The following MSN variants were observed in gnomAD, a reference collection of about 807,000 sequenced individuals.
MSN encodes epididymis luminal protein 70.
MSN carries 2 observed loss-of-function variants against 48.0 expected under a neutral mutation model. The observed-to-expected ratio is 0.04, with a 90% CI of 0.02 to 0.13. The LOEUF is 0.13. Ranked by LOEUF, MSN falls within the 10% of genes least tolerant of loss-of-function variation. MSN has a pLI of 1.00. For missense variants in MSN, 267 were observed against 470.1 expected (o/e 0.57, Z 3.99); for synonymous variants, 146 against 166.9 (o/e 0.87, Z 0.97).
At chrX:65,670,286 A>G (rs1344870194) in intron 1 of MSN, among the ~76,000 whole-genome samples, 1 of 112,100 alleles carries the variant, frequency 8.9e-6, no homozygotes, top group East Asian at 2.8e-4. Context: ...GCTTTAGGCT[A>G]TTTCTAGCGT....
rs1206298706 is a variant in MSN at position 65,713,201 on chromosome X, C to T, written c.13-3617C>T. Among the ~76,000 whole-genome samples the T allele has an allele frequency of 2.7e-5, 3 of 111,308 alleles. No individual in the cohort carries two copies. The Admixed American group carries it at 2.9e-4, about 11-fold the overall frequency. On this transcript the variant is annotated intron_variant, in intron 1 of 12. Coordinates refer to ENST00000360270, the MANE Select transcript of MSN (RefSeq NM_002444.3). Reference sequence around the variant, plus strand: ...ATTTCAGCTATCATTGACCTAGCTTCGAGGATCTATTTGTAAAGGTGGTAT... The same window carrying T: ...ATTTCAGCTATCATTGACCTAGCTTTGAGGATCTATTTGTAAAGGTGGTAT...
chrX:65,735,228 G>A (rs2071662912), intron 7 of MSN, 39 bp from the exon 8 acceptor site: 1 of 1,195,809 alleles, frequency 8.4e-7, no homozygotes. Flanking sequence ...ACCTTCACCT[G>A]TCCCTCCAAA....
chrX:65,732,108 AGCCCAGAT>A, intron 6 of MSN, 124 bp downstream of exon 6: 1 of 733,759 alleles, frequency 1.4e-6, no homozygotes, highest in African/African-American at 2.1e-5. Context: ...AATTTAGTCC[AGCCCAGAT>A]GATTTCACAA....
chrX:65,676,340 G>A lies in MSN; in HGVS notation c.12+8487G>A, dbSNP rs748991009. On this transcript the variant is annotated intron_variant, in intron 1 of 12. Coordinates refer to ENST00000360270, the MANE Select transcript of MSN (RefSeq NM_002444.3). ...CGGCTTGTTGTGGCATAAGGTAAGTGTTGACATAGCTCTTAGGCCACTAAT... is the reference window on the plus strand; with the variant it reads ...CGGCTTGTTGTGGCATAAGGTAAGTATTGACATAGCTCTTAGGCCACTAAT... 2.7e-5 allele frequency among the ~76,000 whole-genome samples: 3 copies of A among 112,283 alleles called. No homozygotes were observed. In the East Asian group the frequency reaches 8.4e-4, roughly 31 times the overall value.
intron 7 of MSN, among the ~76,000 whole-genome samples, chrX:65,734,633 T>G (rs1453126113): frequency 8.9e-6 from 1 of 112,142 alleles, no homozygotes; most frequent in African/African-American, 3.2e-5. Context: ...TTTCTTTTAT[T>G]GCTGCTGTGC....
intron 1 of MSN, among the ~76,000 whole-genome samples, chrX:65,715,301 A>G (rs1196829967): frequency 8.9e-6 from 1 of 111,759 alleles, no homozygotes; most frequent in Non-Finnish European, 1.9e-5. Flanking sequence ...ATGGTTATTC[A>G]GGCTGTTTTT....
In MSN at chrX:65,741,429, A is replaced by G. The variant is rs1182073242; in HGVS notation, c.*1536A>G. The G allele has an allele frequency of 6.0e-6, 1 of 167,798 alleles. No homozygotes were observed. 13.8% of individuals were successfully genotyped at this position (167,798 alleles called of 1,213,427 possible). On this transcript the variant is annotated 3_prime_UTR_variant, in exon 13 of 13. Transcript: ENST00000360270. Reference sequence around the variant, plus strand: ...CTGGAAAGCATATACTATATTACAAAATGACATTTTGCCAAAATTATTAAT... The same window carrying G: ...CTGGAAAGCATATACTATATTACAAGATGACATTTTGCCAAAATTATTAAT...
At chrX:65,700,251 T>G (rs889009346) in intron 1 of MSN, among the ~76,000 whole-genome samples, 11 of 112,108 alleles carry the variant, frequency 9.8e-5, no homozygotes, top group Non-Finnish European at 2.1e-4. Flanking sequence ...ATTACTCCCA[T>G]TTTACCTGTA....
In MSN at chrX:65,741,413, A is replaced by G. The variant is rs2071735482; in HGVS notation, c.*1520A>G. Reference sequence around the variant, plus strand: ...TTTACCACCCCCACACCTGGAAAGCATATACTATATTACAAAATGACATTT... The same window carrying G: ...TTTACCACCCCCACACCTGGAAAGCGTATACTATATTACAAAATGACATTT... On this transcript the variant is annotated 3_prime_UTR_variant, in exon 13 of 13. Coordinates refer to ENST00000360270, the MANE Select transcript of MSN (RefSeq NM_002444.3). The G allele has an allele frequency of 1.2e-5, 2 of 168,288 alleles. No individual in the cohort carries two copies. The highest frequency in any genetic ancestry group is 2.3e-5 in the Non-Finnish European group (2 of 87,535). The allele number at this position is 168,288 out of a possible 1,213,427, so 13.9% of individuals were successfully genotyped here.
At chrX:65,725,248 A>C (rs971918745) in intron 2 of MSN, among the ~76,000 whole-genome samples, 2 of 112,051 alleles carry the variant, frequency 1.8e-5, no homozygotes, top group African/African-American at 6.5e-5. Flanking sequence ...CCACACCGGC[A>C]ATGAAGCATC....
At chrX:65,618,846 C>G (rs1471961046) in intron 1 of MSN, among the ~76,000 whole-genome samples, 1 of 111,152 alleles carries the variant, frequency 9.0e-6, no homozygotes, top group Admixed American at 9.6e-5. Flanking sequence ...TGGCTGGTAC[C>G]GGTTGTTCCT....
chrX:65,609,122 G>A (rs950057764), intron 1 of MSN, among the ~76,000 whole-genome samples: 2 of 102,906 alleles, frequency 1.9e-5, no homozygotes, highest in Non-Finnish European at 4.0e-5. Context: ...GAGCCCTGGA[G>A]CTATATATAC....
intron 1 of MSN, among the ~76,000 whole-genome samples, chrX:65,668,562 A>T (rs1467924367): frequency 2.7e-5 from 3 of 110,366 alleles, no homozygotes; most frequent in Admixed American, 9.6e-5. Flanking sequence ...ATCTCCTCCT[A>T]TCCCCTCCGG....
intron 1 of MSN, among the ~76,000 whole-genome samples, chrX:65,617,993 C>A (rs1239392793): frequency 1.8e-5 from 2 of 108,648 alleles, no homozygotes; most frequent in Non-Finnish European, 3.8e-5. Context: ...GCAGGTTGTT[C>A]AGTTTCCATG....
At chrX:65,594,661 C>A (rs776830674) in intron 1 of MSN, among the ~76,000 whole-genome samples, 1 of 111,572 alleles carries the variant, frequency 9.0e-6, no homozygotes, top group South Asian at 3.8e-4. Context: ...GGTGGGGAAA[C>A]TGAGATCCAG....
At chrX:65,692,932 G>T (rs137865580) in intron 1 of MSN, among the ~76,000 whole-genome samples, 1 of 111,619 alleles carries the variant, frequency 9.0e-6, no homozygotes, top group Non-Finnish European at 1.9e-5. Context: ...CTCCCACCTC[G>T]GCCAGCGTTG....
At chrX:65,616,241 A>G (rs1460489496) in intron 1 of MSN, among the ~76,000 whole-genome samples, 1 of 107,867 alleles carries the variant, frequency 9.3e-6, no homozygotes, top group East Asian at 2.9e-4. Context: ...AATTCTGTGA[A>G]GAAAGTCATT....
chrX:65,669,013 T>G (rs1476049795), intron 1 of MSN, among the ~76,000 whole-genome samples: 1 of 111,466 alleles, frequency 9.0e-6, no homozygotes, highest in African/African-American at 3.3e-5. Context: ...CCTTTTGGGT[T>G]TGTGATGAGC....
At position 65,723,272 on chromosome X, in the gene MSN, A is replaced by G. The variant is rs548840777; in HGVS notation, c.97-4542A>G. ...CAATAATTTTAAAAATTCATTATTT[A>G]TGGAGTAGAATATAAAATTTGCACA... is the stretch of plus-strand genomic sequence containing the variant. On this transcript the variant is annotated intron_variant, in intron 2 of 12. Coordinates refer to ENST00000360270, the MANE Select transcript of MSN (RefSeq NM_002444.3). Among the ~76,000 whole-genome samples, 80 of 112,183 alleles carry G rather than the reference A, an allele frequency of 7.1e-4. 2 individuals are homozygous for G. The South Asian group carries it at 0.029, about 41-fold the overall frequency.
Sources: gnomAD v4.1 joint callset for allele counts (sites outside exome capture counted in the v4.1 genomes callset) on GRCh38, gnomAD v4.1.1 for gene constraint, MANE v1.5 for transcripts, NCBI Gene and HGNC (gene_info 2026-07-23, HGNC 2026-07-21) for gene names.